The following COG7 variants were observed in gnomAD, a reference collection of about 807,000 sequenced individuals.
COG7 encodes the protein conserved oligomeric Golgi complex subunit 7.
A neutral mutation model predicts 91.5 loss-of-function variants in COG7; 49 were observed. The ratio of observed to expected loss-of-function variants is 0.54; its 90% CI spans 0.43 to 0.68. The LOEUF (loss-of-function observed/expected upper bound fraction) is 0.68. Ranked by LOEUF, COG7 falls within the 30% of genes least tolerant of loss-of-function variation. COG7 has a pLI of 0.00. For missense variants in COG7, 895 were observed against 961.3 expected, an observed-to-expected ratio of 0.93 and a Z score of 0.91; for synonymous variants, 365 against 388.7, an observed-to-expected ratio of 0.94 and a Z score of 0.72.
intron 1 of COG7, 141 bp from the exon 2 acceptor site, chr16:23,446,102 C>T: frequency 9.9e-7 from 1 of 1,011,384 alleles, no homozygotes; most frequent in Non-Finnish European, 1.5e-6. Context: ...GTTTTTGGAG[C>T]CTGCAGAAAA....
At chr16:23,443,451 G>A (rs1161849591) in intron 3 of COG7, among the ~76,000 whole-genome samples, 1 of 152,186 alleles carries the variant, frequency 6.6e-6, no homozygotes, top group Non-Finnish European at 1.5e-5. Flanking sequence ...CCAGCACTTT[G>A]GGAGGCCAAG....
chr16:23,413,768 T>C (rs1427609440), intron 9 of COG7: 3 of 517,278 alleles, frequency 5.8e-6, no homozygotes, highest in Non-Finnish European at 1.1e-5. Flanking sequence ...ACCACCTGGT[T>C]GAGCAGTTTC....
chr16:23,431,852 T>C (rs1406122317), intron 6 of COG7, among the ~76,000 whole-genome samples: 1 of 121,538 alleles, frequency 8.2e-6, no homozygotes, highest in Non-Finnish European at 1.8e-5. Context: ...TTAAGAAAAA[T>C]AAAATAAAGT....
In COG7 at chr16:23,392,398, G is replaced by A; in HGVS notation, c.2128C>T (p.Gln710Ter). 3 of 1,614,218 alleles carry A rather than the reference G, an allele frequency of 1.9e-6. No homozygotes were observed. The highest frequency in any genetic ancestry group is 2.5e-6 in the Non-Finnish European group (3 of 1,180,038). Residue 710 changes from glutamine to a stop codon, truncating the protein, a stop_gained, in exon 16 of 17, where the codon CAG (glutamine) becomes TAG (stop). Transcript: ENST00000307149. LOFTEE classifies it high-confidence loss of function. ...GACCCACCGATGTCAGTGGCCAGCT[G>A]CTTGGCAGAGTGTGGGCTCAGCTCA... ...IPELSPHSAKQLATDIDYLIN... is the reference protein window; with the variant it reads ...IPELSPHSAK
chr16:23,427,244 C>CT (rs1205109547), intron 6 of COG7, among the ~76,000 whole-genome samples: 1 of 151,896 alleles, frequency 6.6e-6, no homozygotes, highest in Non-Finnish European at 1.5e-5. Context: ...GAGCAAAACT[C>CT]TGTTGCAAAA....
intron 7 of COG7, among the ~76,000 whole-genome samples, chr16:23,419,715 C>T (rs1963721117): frequency 6.9e-6 from 1 of 144,232 alleles, no homozygotes; most frequent in African/African-American, 2.6e-5. Flanking sequence ...TGCCACTGCA[C>T]TCCAGCCTGG....
intron 14 of COG7, among the ~76,000 whole-genome samples, chr16:23,393,761 G>T (rs1319535924): frequency 6.6e-6 from 1 of 152,036 alleles, no homozygotes; most frequent in African/African-American, 2.4e-5. Flanking sequence ...GTCTTCTGAG[G>T]CCAGGCACAG....
At chr16:23,420,450 C>T (rs1360830495) in intron 7 of COG7, among the ~76,000 whole-genome samples, 2 of 152,182 alleles carry the variant, frequency 1.3e-5, no homozygotes, top group East Asian at 3.8e-4. Flanking sequence ...ACTTCTACAG[C>T]CTCATCCTCC....
Position 23,399,239 on chromosome 16 carries a change from G to C in COG7, c.1804-1110C>G, listed in dbSNP as rs1169869114. On this transcript the variant is annotated intron_variant, in intron 13 of 16. Coordinates refer to ENST00000307149, the MANE Select transcript of COG7 (RefSeq NM_153603.4). ...CACTTGATTCGGTCTTATTTTCTTTGATGTAAATGAGCTCTTTTCTTCCCC... is the reference window on the plus strand; with the variant it reads ...CACTTGATTCGGTCTTATTTTCTTTCATGTAAATGAGCTCTTTTCTTCCCC... Among the ~76,000 whole-genome samples the C allele has an allele frequency of 2.0e-5, 3 of 152,136 alleles. 1 individual carries two copies. Among genetic ancestry groups the C allele is most frequent in the African/African-American group, 7.2e-5 (3 of 41,438 alleles).
At chr16:23,445,439 G>A (rs1964165482) in intron 2 of COG7, among the ~76,000 whole-genome samples, 1 of 152,124 alleles carries the variant, frequency 6.6e-6, no homozygotes, top group Non-Finnish European at 1.5e-5. Context: ...GATCACTTGA[G>A]ACCAGGAGTT....
chr16:23,444,873 G>A (rs1457678527), intron 3 of COG7, among the ~76,000 whole-genome samples, 175 bp downstream of exon 3: 1 of 151,980 alleles, frequency 6.6e-6, no homozygotes, highest in Non-Finnish European at 1.5e-5. Context: ...TCACACAGAG[G>A]GTGCAAGCTA....
intron 3 of COG7, among the ~76,000 whole-genome samples, chr16:23,443,797 T>C (rs769702387): frequency 2.6e-5 from 4 of 152,100 alleles, no homozygotes; most frequent in Non-Finnish European, 2.9e-5. Context: ...AACATAAATA[T>C]GTATGTGCAT....
chr16:23,418,653 G>A (rs568236280), intron 8 of COG7, 47 bp downstream of exon 8: 2 of 1,605,718 alleles, frequency 1.2e-6, no homozygotes, highest in African/African-American at 1.3e-5. Context: ...CCAAGACCCT[G>A]GCTAACAGAA....
At chr16:23,419,144 G>A (rs528133713) in intron 7 of COG7, among the ~76,000 whole-genome samples, 10 of 151,874 alleles carry the variant, frequency 6.6e-5, no homozygotes, top group African/African-American at 1.7e-4. Flanking sequence ...GGTGGCTCAC[G>A]CCTGTAATCC....
In COG7 at chr16:23,445,102, T is replaced by G. The variant is rs773858479; in HGVS notation, c.381A>C (p.Glu127Asp). Residue 127 changes from glutamate (E) to aspartate (D), a missense_variant, in exon 3 of 17, where the codon GAA becomes GAC. Coordinates refer to ENST00000307149, the MANE Select transcript of COG7 (RefSeq NM_153603.4). ...RMQLAAESLQ[E>D]ADKWSTLSAD... ...CGCTCAACGTGCTCCACTTATCTGC[T>G]TCCTGAAGAGATTCGGCAGCAAGTT... The G allele has an allele frequency of 5.0e-6, 8 of 1,614,154 alleles. No individual in the cohort carries two copies. The highest frequency in any genetic ancestry group is 6.8e-6 in the Non-Finnish European group (8 of 1,180,036).
chr16:23,424,893 C>T lies in COG7; in HGVS notation c.865G>A (p.Ala289Thr). 6.2e-7 allele frequency: 1 copy of T among 1,613,996 alleles called. No homozygotes were observed. Among genetic ancestry groups the T allele is most frequent in the Non-Finnish European group, 8.5e-7 (1 of 1,179,948 alleles). Reference sequence around the variant, plus strand: ...CAGGAGGGCAGCGAGGGCATGAGGGCCCCCAGGGTCTGAATCAGCAGCACC... The same window carrying T: ...CAGGAGGGCAGCGAGGGCATGAGGGTCCCCAGGGTCTGAATCAGCAGCACC... ...VMVLLIQTLG[A>T]LMPSLPSCLS... is the part of the protein sequence containing the mutation. The change falls in exon 7 of 17, where the codon GCC (alanine) becomes ACC (threonine). Residue 289 changes from alanine (A) to threonine (T), a missense_variant. Coordinates refer to ENST00000307149, the MANE Select transcript of COG7 (RefSeq NM_153603.4).
chr16:23,412,309 A>AG (rs1567334749), intron 10 of COG7: 1 of 152,252 alleles, frequency 6.6e-6, no homozygotes, highest in Non-Finnish European at 1.5e-5. Flanking sequence ...CCAGTTTCTC[A>AG]GGGACCCCTG....
intron 4 of COG7, among the ~76,000 whole-genome samples, chr16:23,439,612 T>C (rs1039580234): frequency 3.3e-5 from 5 of 152,220 alleles, no homozygotes; most frequent in Non-Finnish European, 7.3e-5. Context: ...AAAAATACTA[T>C]GTGAATCCAT....
chr16:23,418,941 G>A (rs1365644744), intron 7 of COG7, 114 bp from the exon 8 acceptor site: 2 of 900,350 alleles, frequency 2.2e-6, no homozygotes, highest in Admixed American at 1.9e-5. Flanking sequence ...ATCTCCAGAG[G>A]GGACTATATT....
Sources: gnomAD v4.1 joint callset for allele counts (sites outside exome capture counted in the v4.1 genomes callset) on GRCh38, gnomAD v4.1.1 for gene constraint, MANE v1.5 for transcripts, NCBI Gene and HGNC (gene_info 2026-07-23, HGNC 2026-07-21) for gene names.